The following NRP1 variants were observed in gnomAD, a reference collection of about 807,000 sequenced individuals.
NRP1 encodes neuropilin 1.
In NRP1, 35 loss-of-function variants were observed where a neutral mutation model predicts 106.7. That is an observed-to-expected ratio of 0.33 (90% confidence interval 0.25 to 0.43). The LOEUF (loss-of-function observed/expected upper bound fraction) is 0.43. NRP1 is among the 20% of genes least tolerant of loss of function. The pLI is 1.00. For synonymous variants in NRP1, 437 were observed against 417.9 expected, an observed-to-expected ratio of 1.05 and a Z score of -0.56; for missense variants, 1,024 against 1,170.4, an observed-to-expected ratio of 0.87 and a Z score of 1.83.
At chr10:33,272,129 A>G (rs1226423212) in intron 2 of NRP1, among the ~76,000 whole-genome samples, 1 of 152,184 alleles carries the variant, frequency 6.6e-6, no homozygotes, top group East Asian at 1.9e-4. Flanking sequence ...ACTGCCCGGG[A>G]CGCATGACTT....
At chr10:33,199,664 A>G (rs1051050040) in intron 11 of NRP1, among the ~76,000 whole-genome samples, 12 of 152,110 alleles carry the variant, frequency 7.9e-5, no homozygotes, top group African/African-American at 2.9e-4. Context: ...TCTATCCACG[A>G]TGCAGATTAT....
rs943145504 is a variant in NRP1 at position 33,178,308 on chromosome 10, T to C, written c.*1768A>G. On this transcript the variant is annotated 3_prime_UTR_variant, in exon 17 of 17. Transcript: ENST00000374867. ...AAATCCACCAAAACCAACCAAAGCT[T>C]CTTTGGGTTAATTCATAGGCTGCCT... The C allele has an allele frequency of 6.6e-6, 1 of 152,174 alleles. No individual in the cohort carries two copies. Among genetic ancestry groups the C allele is most frequent in the African/African-American group, 2.4e-5 (1 of 41,436 alleles). 9.4% of individuals were successfully genotyped at this position (152,174 alleles called of 1,614,324 possible).
intron 2 of NRP1, among the ~76,000 whole-genome samples, chr10:33,328,028 T>C (rs989390805): frequency 5.9e-5 from 9 of 152,128 alleles, no homozygotes; most frequent in South Asian, 2.1e-4. Context: ...AAAGCCTCAG[T>C]TGGGACAATT....
At chr10:33,249,310 A>G in intron 6 of NRP1, 1 of 338,582 alleles carries the variant, frequency 3.0e-6, no homozygotes, top group Non-Finnish European at 5.8e-6. Flanking sequence ...GTCTCCCTAG[A>G]AGATGCAGTA....
chr10:33,305,601 T>G (rs2036623630), intron 2 of NRP1, among the ~76,000 whole-genome samples: 1 of 152,144 alleles, frequency 6.6e-6, no homozygotes, highest in African/African-American at 2.4e-5. Flanking sequence ...CTGCCTAAAC[T>G]CCACTTTCTC....
chr10:33,316,825 G>T (rs1847074443), intron 2 of NRP1, among the ~76,000 whole-genome samples: 1 of 152,206 alleles, frequency 6.6e-6, no homozygotes, highest in African/African-American at 2.4e-5. Context: ...TGGGGTATTT[G>T]ATTTGAGCAA....
chr10:33,202,820 A>G, intron 11 of NRP1, 71 bp downstream of exon 11: 1 of 1,613,588 alleles, frequency 6.2e-7, no homozygotes, highest in Non-Finnish European at 8.5e-7. Context: ...GCACACACAC[A>G]GGCGTTAGCT....
rs1217677313 is a variant in NRP1 at position 33,254,014 on chromosome 10, C to T, written c.981+14G>A. 6.3e-6 allele frequency: 10 copies of T among 1,595,088 alleles called. No homozygotes were observed. Among genetic ancestry groups the T allele is most frequent in the Non-Finnish European group, 8.5e-6 (10 of 1,174,196 alleles). ...TTATTCAATCCTAGATAGGCTTGATCTTATGCTGCATACCTGTATCCACTC... is the reference window on the plus strand; with the variant it reads ...TTATTCAATCCTAGATAGGCTTGATTTTATGCTGCATACCTGTATCCACTC... On this transcript the variant is annotated intron_variant, in intron 6 of 16. Transcript: ENST00000374867.
intron 11 of NRP1, 46 bp downstream of exon 11, chr10:33,202,845 C>G (rs745796991): frequency 6.2e-7 from 1 of 1,614,226 alleles, no homozygotes. Flanking sequence ...CCAACTAAGA[C>G]ATGAACTGAA....
intron 2 of NRP1, among the ~76,000 whole-genome samples, chr10:33,317,956 T>G (rs193082325): frequency 6.6e-6 from 1 of 152,368 alleles, no homozygotes; most frequent in East Asian, 1.9e-4. Flanking sequence ...CTCCTAAGGA[T>G]GCAGACGTTA....
At chr10:33,270,562 A>T in intron 3 of NRP1, 113 bp downstream of exon 3, 1 of 836,922 alleles carries the variant, frequency 1.2e-6, no homozygotes, top group African/African-American at 1.7e-5. Context: ...CCTGAGCTCA[A>T]GTGATCCACC....
chr10:33,310,485 A>G (rs941178641), intron 2 of NRP1, among the ~76,000 whole-genome samples: 4 of 151,076 alleles, frequency 2.6e-5, no homozygotes, highest in African/African-American at 9.7e-5. Context: ...TCCTGACCTC[A>G]AGTGATTCAC....
chr10:33,314,261 A>G (rs1846850373), intron 2 of NRP1, among the ~76,000 whole-genome samples: 1 of 152,024 alleles, frequency 6.6e-6, no homozygotes, highest in East Asian at 1.9e-4. Flanking sequence ...TAATTTTTTA[A>G]AAGTTTTTAT....
intron 2 of NRP1, among the ~76,000 whole-genome samples, chr10:33,306,525 T>C (rs1425709862): frequency 6.6e-6 from 1 of 152,220 alleles, no homozygotes; most frequent in Non-Finnish European, 1.5e-5. Flanking sequence ...CGACTTAATA[T>C]GGTAAAACAT....
chr10:33,195,454 G>A (rs1229579421), intron 12 of NRP1: 1 of 531,056 alleles, frequency 1.9e-6, no homozygotes, highest in Non-Finnish European at 3.9e-6. Flanking sequence ...TTATATTGAT[G>A]AGAATCAGCA....
At chr10:33,208,284 T>C (rs566106134) in intron 9 of NRP1, among the ~76,000 whole-genome samples, 1 of 152,246 alleles carries the variant, frequency 6.6e-6, no homozygotes, top group African/African-American at 2.4e-5. Context: ...AGCACCTGGC[T>C]GCAAATGATC....
At chr10:33,281,934 A>C (rs1215363157) in intron 2 of NRP1, among the ~76,000 whole-genome samples, 2 of 152,136 alleles carry the variant, frequency 1.3e-5, no homozygotes, top group Non-Finnish European at 2.9e-5. Context: ...AAATTTAGCT[A>C]TTGTTATCTC....
chr10:33,236,601 T>C (rs1840575178), intron 6 of NRP1, among the ~76,000 whole-genome samples: 1 of 152,216 alleles, frequency 6.6e-6, no homozygotes, highest in African/African-American at 2.4e-5. Context: ...GGTACAGCTC[T>C]AGATACCCTG....
intron 2 of NRP1, among the ~76,000 whole-genome samples, chr10:33,323,860 A>G (rs1345074127): frequency 6.6e-6 from 1 of 152,194 alleles, no homozygotes; most frequent in Non-Finnish European, 1.5e-5. Flanking sequence ...GCATGCAAGT[A>G]TCAAGTTTTA....
Sources: allele counts gnomAD v4.1 joint callset (sites outside exome capture counted in the v4.1 genomes callset), GRCh38; gene constraint gnomAD v4.1.1; transcripts MANE v1.5; gene names NCBI Gene and HGNC (gene_info 2026-07-23, HGNC 2026-07-21).